The following RASSF3 variants were observed in gnomAD, a reference collection of about 807,000 sequenced individuals.
RASSF3 encodes the protein Ras association domain family member 3, also known as ras association domain-containing protein 3.
RASSF3 carries 19 observed loss-of-function variants against 19.9 expected under a neutral mutation model. That is an observed-to-expected ratio of 0.96 (90% CI 0.67 to 1.40). RASSF3 has a LOEUF of 1.40. RASSF3 is among the 40% of genes most tolerant of loss of function. RASSF3 has a pLI of 0.00. For synonymous variants in RASSF3, 110 were observed against 104.2 expected (o/e 1.06, Z -0.34); for missense variants, 306 against 289.8 (o/e 1.06, Z -0.41).
chr12:64,685,015 A>G (rs1380804105), intron 2 of RASSF3, 121 bp downstream of exon 2: 3 of 634,000 alleles, frequency 4.7e-6, no homozygotes, highest in African/African-American at 1.8e-5. Context: ...TAGTCAAGGT[A>G]TACAGAACAG....
At chr12:64,632,033 C>T (rs1045207433) in intron 1 of RASSF3, among the ~76,000 whole-genome samples, 1 of 152,062 alleles carries the variant, frequency 6.6e-6, no homozygotes, top group African/African-American at 2.4e-5. Flanking sequence ...TCTCTCCCAT[C>T]GTTGAGTGGA....
intron 1 of RASSF3, among the ~76,000 whole-genome samples, chr12:64,517,308 TCC>T (rs138608037): frequency 0.58 from 86,037 of 148,598 alleles, 24,909 homozygotes; most frequent in Non-Finnish European, 0.59. Context: ...TATTAATTCC[TCC>T]CCCCCCCCAC....
intron 1 of RASSF3, among the ~76,000 whole-genome samples, chr12:64,520,555 C>CACATATATATATATATATATATATAT (rs1435123674): frequency 2.3e-5 from 2 of 86,344 alleles, no homozygotes; most frequent in Admixed American, 1.3e-4. Context: ...CACATACACA[C>CACATATATATATATATATATATATAT]ATATATATAT....
intron 1 of RASSF3, among the ~76,000 whole-genome samples, chr12:64,630,152 T>G (rs1334075724): frequency 1.3e-5 from 2 of 152,116 alleles, no homozygotes; most frequent in African/African-American, 4.8e-5. Context: ...CACTCATTGA[T>G]TTTAAGATTT....
intron 1 of RASSF3, among the ~76,000 whole-genome samples, chr12:64,619,654 A>G (rs1870675084): frequency 6.6e-6 from 1 of 152,162 alleles, no homozygotes; most frequent in African/African-American, 2.4e-5. Context: ...GAGTTAACGG[A>G]CTTAGAATAT....
At chr12:64,559,667 C>T (rs573733857) in intron 2 of RASSF3, among the ~76,000 whole-genome samples, 1 of 152,298 alleles carries the variant, frequency 6.6e-6, no homozygotes, top group East Asian at 1.9e-4. Context: ...CCTAATATTG[C>T]AGCAGGCTTC....
At chr12:64,639,360 G>A (rs1377982042) in intron 1 of RASSF3, among the ~76,000 whole-genome samples, 2 of 145,456 alleles carry the variant, frequency 1.4e-5, no homozygotes, top group Non-Finnish European at 3.0e-5. Context: ...TTCCTAAACT[G>A]TATTTTTTTT....
intron 2 of RASSF3, among the ~76,000 whole-genome samples, chr12:64,686,497 G>A (rs1002263054): frequency 1.3e-5 from 2 of 152,204 alleles, no homozygotes; most frequent in African/African-American, 4.8e-5. Flanking sequence ...TGTAGTCCCA[G>A]CTACGCGGGA....
At chr12:64,530,880 G>A (rs888610494), upstream of RASSF3, among the ~76,000 whole-genome samples, 5 of 152,062 alleles carry the variant, frequency 3.3e-5, no homozygotes, top group Non-Finnish European at 5.9e-5. Flanking sequence ...TGTGAAGTCT[G>A]TTTATGTATT....
At chr12:64,563,528 A>G (rs74234972) in intron 2 of RASSF3, among the ~76,000 whole-genome samples, 1 of 152,162 alleles carries the variant, frequency 6.6e-6, no homozygotes, top group Admixed American at 6.5e-5. Flanking sequence ...CTACTTCCCT[A>G]AAGTAAAATC....
In RASSF3 at chr12:64,695,202, G is replaced by T; in HGVS notation, c.*290G>T. 1 of 308,630 alleles carries T rather than the reference G, an allele frequency of 3.2e-6. No homozygotes were observed. Among genetic ancestry groups the T allele is most frequent in the Non-Finnish European group, 6.0e-6 (1 of 167,836 alleles). The allele number at this position is 308,630 out of a possible 1,614,324, so 19.1% of individuals were successfully genotyped here. A position where few individuals can be genotyped will look rare whatever the true frequency, so the allele number is the denominator to read the frequency against. On this transcript the variant is annotated 3_prime_UTR_variant, in exon 5 of 5. Coordinates refer to ENST00000542104, the MANE Select transcript of RASSF3 (RefSeq NM_178169.4). ...GGTGCTTGGAAGCATGAACTCTGGG[G>T]GTGTTTTTTTTTTTGGTTATTTTAA...
At chr12:64,547,352 G>C (rs1226158438) in intron 2 of RASSF3, among the ~76,000 whole-genome samples, 1 of 151,160 alleles carries the variant, frequency 6.6e-6, no homozygotes, top group East Asian at 1.9e-4. Context: ...CGGATCACAA[G>C]GTCAAGAGAT....
intron 1 of RASSF3, among the ~76,000 whole-genome samples, chr12:64,511,273 T>C (rs1343999425): frequency 6.6e-6 from 1 of 152,164 alleles, no homozygotes; most frequent in Non-Finnish European, 1.5e-5. Flanking sequence ...GCATACATGC[T>C]CTTTTTTAGA....
intron 1 of RASSF3, among the ~76,000 whole-genome samples, chr12:64,637,631 T>G (rs1367735743): frequency 6.6e-6 from 1 of 151,656 alleles, no homozygotes. Context: ...GGTTTCACCA[T>G]GTTGGCCAGG....
At chr12:64,531,768 G>GA, upstream of RASSF3, among the ~76,000 whole-genome samples, 1 of 152,316 alleles carries the variant, frequency 6.6e-6, no homozygotes, top group Non-Finnish European at 1.5e-5. Flanking sequence ...AGAATTTACA[G>GA]GGACCTTAGA....
upstream of RASSF3, among the ~76,000 whole-genome samples, chr12:64,606,757 G>C (rs1401322589): frequency 6.6e-6 from 1 of 152,166 alleles, no homozygotes; most frequent in African/African-American, 2.4e-5. Flanking sequence ...AGAGGTTGCA[G>C]TGAGCTGAGA....
chr12:64,559,397 C>A (rs1401015982), intron 2 of RASSF3, among the ~76,000 whole-genome samples: 2 of 144,232 alleles, frequency 1.4e-5, no homozygotes, highest in East Asian at 2.1e-4. Context: ...GCGCCTGCCA[C>A]CAAACCTGGC....
intron 1 of RASSF3, among the ~76,000 whole-genome samples, chr12:64,613,393 A>G (rs1320633974): frequency 6.6e-6 from 1 of 151,984 alleles, no homozygotes; most frequent in African/African-American, 2.4e-5. Context: ...AAAAGTGAGA[A>G]AAATGAGGTT....
intron 2 of RASSF3, among the ~76,000 whole-genome samples, chr12:64,567,489 C>A (rs1330289568): frequency 6.6e-6 from 1 of 152,132 alleles, no homozygotes; most frequent in Non-Finnish European, 1.5e-5. Context: ...AGCCCTGGCC[C>A]CTCAAACCTC....
Sources: allele counts gnomAD v4.1 joint callset (sites outside exome capture counted in the v4.1 genomes callset), GRCh38; gene constraint gnomAD v4.1.1; transcripts MANE v1.5; gene names NCBI Gene and HGNC (gene_info 2026-07-23, HGNC 2026-07-21).